The following RAPGEF5 variants were observed in gnomAD, a reference collection of about 807,000 sequenced individuals.
RAPGEF5 encodes the protein Rap guanine nucleotide exchange factor 5, also known as M-Ras-regulated GEF.
RAPGEF5 carries 65 observed loss-of-function variants against 125.2 expected under a neutral mutation model. That is an observed-to-expected ratio of 0.52 (90% CI 0.43 to 0.64). The LOEUF (loss-of-function observed/expected upper bound fraction) is 0.64, where lower values mean the gene tolerates loss of function less well. Ranked by LOEUF, RAPGEF5 falls within the 30% of genes least tolerant of loss-of-function variation. The pLI is 0.00. For synonymous variants in RAPGEF5, 391 were observed against 385.9 expected (o/e 1.01, Z -0.16); for missense variants, 958 against 1,048.1 (o/e 0.91, Z 1.19).
chr7:22,355,316 T>C (rs1254398105), intron 1 of RAPGEF5, among the ~76,000 whole-genome samples: 1 of 152,186 alleles, frequency 6.6e-6, no homozygotes, highest in African/African-American at 2.4e-5. Context: ...AAATAAATAC[T>C]ATAGATCTAT....
chr7:22,162,899 A>G, intron 12 of RAPGEF5: 1 of 465,110 alleles, frequency 2.2e-6, no homozygotes, highest in South Asian at 1.6e-5. Flanking sequence ...ACACAGGTGA[A>G]TACTATTTCA....
chr7:22,188,006 G>C (rs1164733502), intron 11 of RAPGEF5, among the ~76,000 whole-genome samples: 2 of 152,212 alleles, frequency 1.3e-5, no homozygotes, highest in Non-Finnish European at 2.9e-5. Context: ...CTAATGTGCA[G>C]CTACAGATAA....
intron 11 of RAPGEF5, among the ~76,000 whole-genome samples, chr7:22,189,209 A>G (rs1784915689): frequency 6.6e-6 from 1 of 151,926 alleles, no homozygotes; most frequent in Admixed American, 6.6e-5. Flanking sequence ...CTTCAAAAAG[A>G]TGAATAAGGA....
intron 11 of RAPGEF5, among the ~76,000 whole-genome samples, chr7:22,176,035 C>T (rs141176312): frequency 7.9e-5 from 12 of 152,100 alleles, no homozygotes; most frequent in East Asian, 1.9e-4. Flanking sequence ...AAAGGAAAGA[C>T]GTTTAAAGGA....
At chr7:22,249,017 C>T (rs1786550619) in intron 7 of RAPGEF5, among the ~76,000 whole-genome samples, 1 of 152,164 alleles carries the variant, frequency 6.6e-6, no homozygotes, top group African/African-American at 2.4e-5. Context: ...TAAACTTCCT[C>T]AACTGATTTT....
intron 3 of RAPGEF5, among the ~76,000 whole-genome samples, chr7:22,311,506 GC>G (rs1783470961): frequency 6.6e-6 from 1 of 152,118 alleles, no homozygotes; most frequent in Non-Finnish European, 1.5e-5. Flanking sequence ...TGCCATGGAT[GC>G]TACATTTTCT....
chr7:22,172,000 A>G (rs1362937127), intron 11 of RAPGEF5, among the ~76,000 whole-genome samples: 1 of 152,236 alleles, frequency 6.6e-6, no homozygotes, highest in Non-Finnish European at 1.5e-5. Flanking sequence ...AAATACTTCT[A>G]TAGTTTTAAC....
intron 11 of RAPGEF5, among the ~76,000 whole-genome samples, chr7:22,181,665 G>A (rs950170793): frequency 5.3e-5 from 8 of 152,238 alleles, no homozygotes; most frequent in African/African-American, 1.4e-4. Flanking sequence ...TCTGTCACCC[G>A]TATTTAACAA....
chr7:22,326,286 C>T (rs1261914118), intron 1 of RAPGEF5, among the ~76,000 whole-genome samples: 1 of 152,168 alleles, frequency 6.6e-6, no homozygotes, highest in Admixed American at 6.5e-5. Flanking sequence ...GTCACCAGGC[C>T]TTCCTCTAAA....
chr7:22,338,954 G>A (rs1784075541), intron 1 of RAPGEF5, among the ~76,000 whole-genome samples: 1 of 152,174 alleles, frequency 6.6e-6, no homozygotes, highest in South Asian at 2.1e-4. Flanking sequence ...GGGAAAGGCG[G>A]CCTCCCAATT....
intron 9 of RAPGEF5, among the ~76,000 whole-genome samples, chr7:22,200,765 A>G (rs1785258522): frequency 6.6e-6 from 1 of 152,226 alleles, no homozygotes; most frequent in South Asian, 2.1e-4. Flanking sequence ...ATCATACAAA[A>G]CAACTTGTCT....
chr7:22,293,886 C>T (rs957346402), intron 5 of RAPGEF5, among the ~76,000 whole-genome samples: 5 of 152,194 alleles, frequency 3.3e-5, no homozygotes, highest in African/African-American at 1.2e-4. Context: ...CAGCTCTAGA[C>T]TAAATCGCCC....
At chr7:22,148,670 A>G (rs1297791461) in intron 18 of RAPGEF5, among the ~76,000 whole-genome samples, 1 of 152,190 alleles carries the variant, frequency 6.6e-6, no homozygotes, top group Non-Finnish European at 1.5e-5. Flanking sequence ...CATATTTCAC[A>G]GCACCTATTT....
chr7:22,230,133 G>C (rs1786022370), intron 8 of RAPGEF5, among the ~76,000 whole-genome samples: 1 of 152,200 alleles, frequency 6.6e-6, no homozygotes, highest in African/African-American at 2.4e-5. Context: ...GGAGAAAGTG[G>C]TAAATACACT....
At chr7:22,150,966 A>T (rs1362443669) in intron 17 of RAPGEF5, among the ~76,000 whole-genome samples, 3 of 152,236 alleles carry the variant, frequency 2.0e-5, no homozygotes, top group African/African-American at 7.2e-5. Flanking sequence ...TACATTTGCA[A>T]TTATTCCATA....
chr7:22,172,836 T>C (rs969780248), intron 11 of RAPGEF5, among the ~76,000 whole-genome samples: 7 of 152,228 alleles, frequency 4.6e-5, no homozygotes, highest in Non-Finnish European at 7.3e-5. Context: ...TGGTTATTTT[T>C]TCAACACTCA....
In RAPGEF5 at chr7:22,136,984, C is replaced by T; in HGVS notation, c.2278-1G>A. On this transcript the variant is annotated splice_acceptor_variant, in intron 21 of 25. Transcript: ENST00000665637. LOFTEE classifies it high-confidence loss of function. ...GTTTCTTAAACTTCCCAGGGATTTT[C>T]TAAAAAACAAACACAAACAAAAAAC... The T allele has an allele frequency of 6.3e-7, 1 of 1,575,162 alleles. No individual in the cohort carries two copies. The highest frequency in any genetic ancestry group is 8.7e-7 in the Non-Finnish European group (1 of 1,155,774).
At chr7:22,123,906 A>G (rs757187291) in intron 25 of RAPGEF5, among the ~76,000 whole-genome samples, 4 of 152,386 alleles carry the variant, frequency 2.6e-5, no homozygotes, top group Non-Finnish European at 4.4e-5. Flanking sequence ...TTTATAATGC[A>G]TAAGTGACTT....
At chr7:22,258,995 C>A (rs562365109) in intron 7 of RAPGEF5, among the ~76,000 whole-genome samples, 1 of 151,776 alleles carries the variant, frequency 6.6e-6, no homozygotes, top group Non-Finnish European at 1.5e-5. Flanking sequence ...ATGACTCATG[C>A]GAGAAAAAAT....
Sources: allele counts gnomAD v4.1 joint callset (sites outside exome capture counted in the v4.1 genomes callset), GRCh38; gene constraint gnomAD v4.1.1; transcripts MANE v1.5; gene names NCBI Gene and HGNC (gene_info 2026-07-23, HGNC 2026-07-21).